The following DNAAF4 variants were observed in gnomAD, a reference collection of about 807,000 sequenced individuals.
The protein encoded by DNAAF4 is dynein axonemal assembly factor 4, also known as dynein assembly factor 4, axonemal.
A neutral mutation model predicts 51.8 loss-of-function variants in DNAAF4; 43 were observed. The ratio of observed to expected loss-of-function variants is 0.83; its 90% CI spans 0.65 to 1.07. The LOEUF (loss-of-function observed/expected upper bound fraction) is 1.07. Among genes scored for constraint, DNAAF4 ranks in the 50% least tolerant of loss-of-function variants. The pLI, the probability that DNAAF4 is intolerant of heterozygous loss-of-function variation, is 0.00. For synonymous variants in DNAAF4, 194 were observed against 165.6 expected (o/e 1.17, Z -1.32); for missense variants, 581 against 493.0 (o/e 1.18, Z -1.69).
intron 7 of DNAAF4, among the ~76,000 whole-genome samples, chr15:55,424,463 C>A (rs1049623000): frequency 6.6e-6 from 1 of 152,104 alleles, no homozygotes; most frequent in East Asian, 1.9e-4. Context: ...AATCCTTTGC[C>A]CTTATTTCCC....
In DNAAF4 at chr15:55,467,088, T is replaced by C; in HGVS notation, c.479A>G (p.Glu160Gly). The C allele has an allele frequency of 6.4e-7, 1 of 1,551,232 alleles. No homozygotes were observed. Among genetic ancestry groups the C allele is most frequent in the Admixed American group, 2.0e-5 (1 of 49,776 alleles). The stretch of plus-strand genomic sequence containing the variant: ...TTTTCTTTGATATTCTTTCCAGGCT[T>C]CCAATGCTTTAGTGGCTTTTATCCG... ...NERIKATKALEAWKEYQRKAE... is the reference protein window; with the variant it reads ...NERIKATKALGAWKEYQRKAE... Residue 160 changes from glutamate to glycine, a missense_variant, in exon 5 of 10, where the codon GAA (glutamate) becomes GGA (glycine). Glu to Gly is a moderately conservative substitution (Grantham distance 98, BLOSUM62 -2). Coordinates refer to ENST00000321149, the MANE Select transcript of DNAAF4 (RefSeq NM_130810.4).
chr15:55,452,615 T>C (rs1157580271), intron 5 of DNAAF4, among the ~76,000 whole-genome samples: 2 of 152,192 alleles, frequency 1.3e-5, no homozygotes, highest in South Asian at 2.1e-4. Context: ...AAACTTTTAC[T>C]ACAAAGTTTT....
chr15:55,433,738 ATTAT>A (rs1567000091), intron 8 of DNAAF4, among the ~76,000 whole-genome samples: 2 of 127,154 alleles, frequency 1.6e-5, no homozygotes, highest in Admixed American at 1.0e-4. Flanking sequence ...TATATATATA[ATTAT>A]TTGTTTTTTA....
intron 5 of DNAAF4, among the ~76,000 whole-genome samples, chr15:55,455,590 C>A (rs898757000): frequency 6.6e-6 from 1 of 151,918 alleles, no homozygotes; most frequent in Non-Finnish European, 1.5e-5. Context: ...TGCCACCACA[C>A]CTGGCTAATT....
chr15:55,498,153 C>G, intron 2 of DNAAF4, 54 bp downstream of exon 2: 1 of 1,611,764 alleles, frequency 6.2e-7, no homozygotes, highest in South Asian at 1.1e-5. Flanking sequence ...TGCGCTCTTG[C>G]AGAAGCTTCG....
At chr15:55,501,999 T>C (rs1158564046) in intron 1 of DNAAF4, among the ~76,000 whole-genome samples, 1 of 151,232 alleles carries the variant, frequency 6.6e-6, no homozygotes, top group Non-Finnish European at 1.5e-5. Flanking sequence ...GCCGAGATCA[T>C]GCCACTGCAC....
At chr15:55,444,530 CT>C (rs2057765457) in intron 6 of DNAAF4, among the ~76,000 whole-genome samples, 1 of 152,096 alleles carries the variant, frequency 6.6e-6, no homozygotes, top group Non-Finnish European at 1.5e-5. Context: ...AATGTGGGTT[CT>C]TTTTTGGTTC....
At chr15:55,504,476 C>T (rs2058716130) in intron 1 of DNAAF4, among the ~76,000 whole-genome samples, 1 of 152,138 alleles carries the variant, frequency 6.6e-6, no homozygotes, top group African/African-American at 2.4e-5. Flanking sequence ...CAATCCTAAA[C>T]AAAAAGATCA....
At chr15:55,483,747 G>A (rs892657677) in intron 4 of DNAAF4, among the ~76,000 whole-genome samples, 15 of 146,184 alleles carry the variant, frequency 1.0e-4, no homozygotes, top group African/African-American at 3.8e-4. Flanking sequence ...GGCTGGTCTC[G>A]GATTCCTGAC....
At position 55,501,013 on chromosome 15, in the gene DNAAF4, A is replaced by AT. The variant is rs201319127; in HGVS notation, c.-255-2430dup. On this transcript the variant is annotated intron_variant, in intron 1 of 9. Transcript: ENST00000321149. The stretch of plus-strand genomic sequence containing the variant: ...GTCTCAAAAAAAAAAAAAAAAAAAA[A>AT]TGGAAACTTAAAAAAAAAAATACCT... Among the ~76,000 whole-genome samples the AT allele has an allele frequency of 5.0e-3, 709 of 142,230 alleles. 41 individuals carry two copies. The highest frequency in any genetic ancestry group is 0.01 in the African/African-American group (373 of 37,196). The allele number at this position is 142,230 out of a possible 152,430, so 93.3% of individuals were successfully genotyped here.
intron 6 of DNAAF4, 23 bp downstream of exon 6, chr15:55,450,199 G>T: frequency 6.4e-7 from 1 of 1,561,766 alleles, no homozygotes. Flanking sequence ...TGTGGTAATT[G>T]TAACTAGAGT....
chr15:55,491,746 T>TAC (rs2058577464), intron 3 of DNAAF4, among the ~76,000 whole-genome samples: 4 of 141,532 alleles, frequency 2.8e-5, no homozygotes, highest in African/African-American at 1.0e-4. Context: ...TATATAATAT[T>TAC]ATATTATAAT....
chr15:55,422,997 A>AAAAT (rs372582536), intron 7 of DNAAF4, among the ~76,000 whole-genome samples: 10,175 of 151,268 alleles, frequency 0.067, 422 homozygotes, highest in East Asian at 0.15. Context: ...CTCCGTCTCA[A>AAAAT]AAATAAATAA....
In DNAAF4 at chr15:55,452,861, A is replaced by G. The variant is rs1487791232; in HGVS notation, c.638-2494T>C. Reference sequence around the variant, plus strand: ...GAGACTGGAAATTTAATGCTGATATAGGTACAGAGGTGGGGAGGTGGAAAT... The same window carrying G: ...GAGACTGGAAATTTAATGCTGATATGGGTACAGAGGTGGGGAGGTGGAAAT... On this transcript the variant is annotated intron_variant, in intron 5 of 9. Transcript: ENST00000321149. Among the ~76,000 whole-genome samples, 3 of 152,194 alleles carry G rather than the reference A, an allele frequency of 2.0e-5. No homozygotes were observed. The East Asian group carries it at 5.8e-4, about 29-fold the overall frequency.
In DNAAF4 at chr15:55,497,740, G is replaced by C; in HGVS notation, c.243C>G (p.Ala81=). Residue 81 remains alanine, a synonymous_variant, in exon 3 of 10, where the codon GCC becomes GCG. Transcript: ENST00000321149. The part of the protein sequence containing the change: ...IVFTLYKKEA[A]MWETLSVTGV... ...CCGTCACAGAAAGGGTCTCCCACAT[G>C]GCCGCTTCTTTTTTATACAAGGTGA... is the stretch of plus-strand genomic sequence containing the variant. 2 of 1,612,716 alleles carry C rather than the reference G, an allele frequency of 1.2e-6. No individual in the cohort carries two copies. The highest frequency in any genetic ancestry group is 1.1e-5 in the South Asian group (1 of 90,592).
intron 6 of DNAAF4, among the ~76,000 whole-genome samples, chr15:55,446,533 GGGT>G: frequency 6.8e-6 from 1 of 147,122 alleles, no homozygotes; most frequent in Middle Eastern, 4.0e-3. Context: ...TTCCCAGACC[GGGT>G]GGCCGGGCAG....
In DNAAF4 at chr15:55,440,303, G is replaced by A. The variant is rs984196196; in HGVS notation, c.784-722C>T. Among the ~76,000 whole-genome samples the A allele has an allele frequency of 7.2e-5, 11 of 152,088 alleles. No homozygotes were observed. The East Asian group carries it at 1.2e-3, about 16-fold the overall frequency. Reference sequence around the variant, plus strand: ...CATGACCTCGTGATCCACCCACCTCGGAATCCCAAAGTGCTGGGATTATAG... The same window carrying A: ...CATGACCTCGTGATCCACCCACCTCAGAATCCCAAAGTGCTGGGATTATAG... On this transcript the variant is annotated intron_variant, in intron 6 of 9. Transcript: ENST00000321149.
At chr15:55,486,993 C>G (rs187300991) in intron 4 of DNAAF4, among the ~76,000 whole-genome samples, 1 of 152,114 alleles carries the variant, frequency 6.6e-6, no homozygotes, top group Admixed American at 6.6e-5. Context: ...TTAGCCAGAA[C>G]GAGCTTTCTA....
At chr15:55,417,847 T>G in exon 8 of DNAAF4, 38 of 274,364 alleles carry the variant, frequency 1.4e-4, no homozygotes, top group East Asian at 1.4e-4. Flanking sequence ...GTGGGGCCGT[T>G]TTATAGGATT....
Sources: gnomAD v4.1 joint callset for allele counts (sites outside exome capture counted in the v4.1 genomes callset) on GRCh38, gnomAD v4.1.1 for gene constraint, MANE v1.5 for transcripts, NCBI Gene and HGNC (gene_info 2026-07-23, HGNC 2026-07-21) for gene names.